The following BMPER variants were observed in gnomAD, a reference collection of about 807,000 sequenced individuals.
BMPER encodes the protein BMP binding endothelial regulator, also known as BMP-binding endothelial regulator protein.
Under a neutral mutation model 87.3 loss-of-function variants are expected in BMPER, and 45 were observed. The ratio of observed to expected loss-of-function variants is 0.52; its 90% CI spans 0.41 to 0.66. The LOEUF (loss-of-function observed/expected upper bound fraction) is 0.66. Ranked by LOEUF, BMPER falls within the 30% of genes least tolerant of loss-of-function variation. The probability of loss-of-function intolerance (pLI) is 0.00; values close to 1 mark genes in which losing one functional copy is unlikely to be tolerated. For synonymous variants in BMPER, 326 were observed against 316.2 expected (o/e 1.03, Z -0.33); for missense variants, 784 against 867.5 (o/e 0.90, Z 1.21).
chr7:34,063,990 T>C (rs1469584063), intron 11 of BMPER, among the ~76,000 whole-genome samples: 1 of 152,258 alleles, frequency 6.6e-6, no homozygotes, highest in African/African-American at 2.4e-5. Context: ...ACCAGCTTCA[T>C]AAAAACATAT....
intron 10 of BMPER, among the ~76,000 whole-genome samples, chr7:34,059,569 C>G (rs546396464): frequency 1.3e-5 from 2 of 150,062 alleles, no homozygotes; most frequent in Non-Finnish European, 3.0e-5. Context: ...GCCAAGGCCC[C>G]GGCCTCAGGG....
At chr7:34,011,923 A>T (rs925359292) in intron 6 of BMPER, among the ~76,000 whole-genome samples, 7 of 151,922 alleles carry the variant, frequency 4.6e-5, no homozygotes, top group Non-Finnish European at 8.8e-5. Flanking sequence ...GAAGCATTTA[A>T]TTGAAAAGAA....
At chr7:34,029,983 C>G (rs1409072102) in intron 6 of BMPER, among the ~76,000 whole-genome samples, 1 of 151,932 alleles carries the variant, frequency 6.6e-6, no homozygotes, top group African/African-American at 2.4e-5. Context: ...ATGTTGAAAC[C>G]TAGAATTCTT....
chr7:34,142,273 A>G (rs1790895430), intron 13 of BMPER, among the ~76,000 whole-genome samples: 1 of 152,194 alleles, frequency 6.6e-6, no homozygotes, highest in Admixed American at 6.5e-5. Flanking sequence ...GGGAGATATA[A>G]TTTAATTTGC....
chr7:33,959,645 A>G (rs1020325931), intron 3 of BMPER, among the ~76,000 whole-genome samples: 5 of 152,210 alleles, frequency 3.3e-5, no homozygotes, highest in African/African-American at 1.2e-4. Flanking sequence ...AGTTGCGGCA[A>G]GGATTTTTCT....
At chr7:34,043,201 G>A (rs148921343) in intron 6 of BMPER, among the ~76,000 whole-genome samples, 79 of 152,312 alleles carry the variant, frequency 5.2e-4, no homozygotes, top group African/African-American at 1.8e-3. Flanking sequence ...ATAAAGAACC[G>A]ATGCATCTGA....
At chr7:33,994,249 C>G (rs562739628) in intron 6 of BMPER, among the ~76,000 whole-genome samples, 91 of 152,362 alleles carry the variant, frequency 6.0e-4, no homozygotes, top group African/African-American at 2.0e-3. Context: ...TGATCTCAGA[C>G]TGCTGTGCTA....
intron 6 of BMPER, among the ~76,000 whole-genome samples, chr7:34,037,500 A>G (rs1360945762): frequency 6.6e-6 from 1 of 151,988 alleles, no homozygotes; most frequent in Non-Finnish European, 1.5e-5. Context: ...TATAGCAAAC[A>G]TGGTTAAACT....
intron 6 of BMPER, among the ~76,000 whole-genome samples, chr7:34,039,738 A>G (rs1264389963): frequency 6.6e-6 from 1 of 152,066 alleles, no homozygotes; most frequent in Admixed American, 6.6e-5. Context: ...GTGTATATCT[A>G]TATAAACACC....
chr7:33,956,542 C>A (rs1785151784), intron 3 of BMPER, among the ~76,000 whole-genome samples: 1 of 152,096 alleles, frequency 6.6e-6, no homozygotes, highest in Non-Finnish European at 1.5e-5. Context: ...ACCCAAGTGT[C>A]CCTGCCTCTC....
intron 3 of BMPER, chr7:33,940,081 A>G (rs1784716751): frequency 1.0e-5 from 2 of 192,840 alleles, no homozygotes; most frequent in East Asian, 2.6e-4. Context: ...CTCAAAAAAT[A>G]GTCTAAACTG....
At chr7:34,006,729 C>T (rs183550089) in intron 6 of BMPER, among the ~76,000 whole-genome samples, 168 of 152,086 alleles carry the variant, frequency 1.1e-3, no homozygotes, top group Admixed American at 2.3e-3. Flanking sequence ...CAGTTATGGA[C>T]GTCTGTGTAT....
rs181704552 is a variant in BMPER, at chr7:33,932,169, G to A, written c.220-5120G>A. ...ATCTATCCCAGGAAATTGGCTATTT[G>A]GGATGAATGTGGGTCTACCTCCAGG... On this transcript the variant is annotated intron_variant, in intron 2 of 14. Transcript: ENST00000649409. 2.0e-3 allele frequency among the ~76,000 whole-genome samples: 304 copies of A among 152,288 alleles called. 1 individual carries two copies. Among genetic ancestry groups the A allele is most frequent in the African/African-American group, 7.0e-3 (291 of 41,540 alleles).
At chr7:34,065,223 TC>T in intron 11 of BMPER, among the ~76,000 whole-genome samples, 1 of 149,476 alleles carries the variant, frequency 6.7e-6, no homozygotes, top group Non-Finnish European at 1.5e-5. Flanking sequence ...TCTCTCTCTC[TC>T]TCTCTCTCTC....
chr7:33,983,666 A>G (rs1210195213), intron 6 of BMPER, among the ~76,000 whole-genome samples: 1 of 152,180 alleles, frequency 6.6e-6, no homozygotes, highest in East Asian at 1.9e-4. Flanking sequence ...CTGAAGCCAT[A>G]AACTGCCTGA....
intron 13 of BMPER, 141 bp downstream of exon 13, chr7:34,086,233 T>G (rs1413715145): frequency 1.0e-6 from 1 of 967,818 alleles, no homozygotes. Flanking sequence ...GTCCAGGAGC[T>G]GATCTCATCT....
chr7:33,959,024 G>A lies in BMPER; in HGVS notation c.320-7455G>A, dbSNP rs1433786990. 6.6e-5 allele frequency among the ~76,000 whole-genome samples: 10 copies of A among 152,078 alleles called. No homozygotes were observed. The South Asian group carries it at 1.2e-3, about 19-fold the overall frequency. On this transcript the variant is annotated intron_variant, in intron 3 of 14. Transcript: ENST00000649409. Reference sequence around the variant, plus strand: ...CCCTGGACACGCTCTCTCTCCTGCCGCCATGTGAGAAGTCCTTTTGCTCTT... The same window carrying A: ...CCCTGGACACGCTCTCTCTCCTGCCACCATGTGAGAAGTCCTTTTGCTCTT...
intron 3 of BMPER, among the ~76,000 whole-genome samples, chr7:33,939,789 T>A (rs996465413): frequency 3.3e-5 from 5 of 152,202 alleles, no homozygotes; most frequent in African/African-American, 1.2e-4. Context: ...CATGCTGAGC[T>A]GTGACGCAAT....
At chr7:33,953,565 G>C (rs1785078360) in intron 3 of BMPER, among the ~76,000 whole-genome samples, 1 of 152,156 alleles carries the variant, frequency 6.6e-6, no homozygotes, top group South Asian at 2.1e-4. Context: ...AGATGCCTGA[G>C]CCCTACTCCA....
Sources: allele counts gnomAD v4.1 joint callset (sites outside exome capture counted in the v4.1 genomes callset), GRCh38; gene constraint gnomAD v4.1.1; transcripts MANE v1.5; gene names NCBI Gene and HGNC (gene_info 2026-07-23, HGNC 2026-07-21).